SLC41A2: variants seen among roughly 807,000 people sequenced by gnomAD.
SLC41A2 encodes solute carrier family 41 member 2, also known as SLC41A1-like 1.
Under a neutral mutation model 58.3 loss-of-function variants are expected in SLC41A2, and 32 were observed. The observed-to-expected ratio is 0.55, with a 90% confidence interval of 0.41 to 0.74. The LOEUF (loss-of-function observed/expected upper bound fraction) is 0.74. Ranked by LOEUF, SLC41A2 falls within the 30% of genes least tolerant of loss-of-function variation. The probability of loss-of-function intolerance (pLI) is 0.00; values close to 1 mark genes in which losing one functional copy is unlikely to be tolerated. For missense variants in SLC41A2, 514 were observed against 680.6 expected (o/e 0.76, Z 2.72); for synonymous variants, 190 against 235.0 (o/e 0.81, Z 1.75).
intron 10 of SLC41A2, among the ~76,000 whole-genome samples, chr12:104,806,333 C>A (rs11503464): frequency 6.6e-6 from 1 of 151,584 alleles, no homozygotes; most frequent in Non-Finnish European, 1.5e-5. Flanking sequence ...TTTGTCCTTG[C>A]GATAGTTTGC....
rs9804721 is a variant in SLC41A2 at position 104,940,965 on chromosome 12, G to A, written c.-167-12271C>T. On this transcript the variant is annotated intron_variant, in intron 1 of 10. Transcript: ENST00000258538. ...AAAAAAAAAAAAAAAAGTTAGCTCCGAAGAAAAATCTTGACTTTTTGGCTT... is the reference window on the plus strand; with the variant it reads ...AAAAAAAAAAAAAAAAGTTAGCTCCAAAGAAAAATCTTGACTTTTTGGCTT... 5.7e-3 allele frequency among the ~76,000 whole-genome samples: 827 copies of A among 146,128 alleles called. 7 individuals carry two copies. The highest frequency in any genetic ancestry group is 0.02 in the African/African-American group (786 of 39,914).
At chr12:104,873,855 G>A (rs888587708) in intron 6 of SLC41A2, among the ~76,000 whole-genome samples, 3 of 152,036 alleles carry the variant, frequency 2.0e-5, no homozygotes, top group Non-Finnish European at 4.4e-5. Flanking sequence ...CAGGTCCTTT[G>A]CCCAGTTTTA....
chr12:104,947,820 A>G (rs114006086), intron 1 of SLC41A2, among the ~76,000 whole-genome samples: 1,887 of 152,190 alleles, frequency 0.012, 52 homozygotes, highest in African/African-American at 0.043. Flanking sequence ...ATCATATCTC[A>G]TATATATTTT....
At chr12:104,886,484 A>G in intron 5 of SLC41A2, 45 bp from the exon 6 acceptor site, 3 of 1,589,174 alleles carry the variant, frequency 1.9e-6, no homozygotes, top group Non-Finnish European at 2.6e-6. Context: ...TGATTTAAAG[A>G]AAATCAATCC....
chr12:104,947,855 C>T (rs2135970002), intron 1 of SLC41A2, among the ~76,000 whole-genome samples: 1 of 152,156 alleles, frequency 6.6e-6, no homozygotes, highest in Non-Finnish European at 1.5e-5. Flanking sequence ...ATCTAAATAA[C>T]ATTTTTATAA....
chr12:104,886,210 C>T, intron 6 of SLC41A2, 83 bp downstream of exon 6: 1 of 1,444,460 alleles, frequency 6.9e-7, no homozygotes, highest in Non-Finnish European at 9.4e-7. Context: ...TGAAGGCTAC[C>T]ATGGATTCAT....
chr12:104,932,346 CAGG>C (rs2047083925), intron 1 of SLC41A2, among the ~76,000 whole-genome samples: 1 of 152,132 alleles, frequency 6.6e-6, no homozygotes, highest in Admixed American at 6.5e-5. Flanking sequence ...ATATAGTAGG[CAGG>C]GTGCAGTGGC....
intron 8 of SLC41A2, among the ~76,000 whole-genome samples, chr12:104,855,711 ATCC>A (rs1210598504): frequency 6.6e-6 from 1 of 152,202 alleles, no homozygotes; most frequent in Non-Finnish European, 1.5e-5. Flanking sequence ...CATAGCTTTC[ATCC>A]TCCTTCTAAC....
intron 10 of SLC41A2, among the ~76,000 whole-genome samples, chr12:104,831,503 A>G (rs1046343732): frequency 6.6e-6 from 1 of 152,160 alleles, no homozygotes; most frequent in Non-Finnish European, 1.5e-5. Flanking sequence ...TTATAATACC[A>G]TATTTTTACT....
At chr12:104,845,997 G>A in intron 8 of SLC41A2, 23 bp from the exon 9 acceptor site, 1 of 1,605,680 alleles carries the variant, frequency 6.2e-7, no homozygotes, top group Non-Finnish European at 8.5e-7. Context: ...GAAAAACAAA[G>A]TAGCAATCCT....
intron 10 of SLC41A2, among the ~76,000 whole-genome samples, chr12:104,816,004 A>G (rs1022843213): frequency 6.6e-6 from 1 of 152,144 alleles, no homozygotes; most frequent in African/African-American, 2.4e-5. Context: ...GGTGGGTATT[A>G]TTATCTCTAT....
chr12:104,921,820 A>G (rs181425480), intron 2 of SLC41A2, among the ~76,000 whole-genome samples: 188 of 152,376 alleles, frequency 1.2e-3, no homozygotes, highest in African/African-American at 4.5e-3. Flanking sequence ...CAACCCATTA[A>G]GAGATAGGCA....
intron 10 of SLC41A2, among the ~76,000 whole-genome samples, chr12:104,820,231 C>T: frequency 6.6e-6 from 1 of 152,166 alleles, no homozygotes; most frequent in East Asian, 1.9e-4. Context: ...TTTGGGAGGC[C>T]AAGGCCAGAG....
chr12:104,947,619 G>A (rs545532013), intron 1 of SLC41A2, among the ~76,000 whole-genome samples: 1 of 151,948 alleles, frequency 6.6e-6, no homozygotes, highest in South Asian at 2.1e-4. Context: ...TAAATTGCCA[G>A]TATATTTTTT....
intron 7 of SLC41A2, among the ~76,000 whole-genome samples, chr12:104,865,193 TGTC>T (rs2043380013): frequency 1.3e-5 from 2 of 152,204 alleles, no homozygotes; most frequent in Non-Finnish European, 2.9e-5. Flanking sequence ...GGTAAAAGGC[TGTC>T]TCTCAGCATT....
intron 1 of SLC41A2, among the ~76,000 whole-genome samples, chr12:104,932,014 G>A (rs1043162075): frequency 1.3e-5 from 2 of 152,130 alleles, no homozygotes; most frequent in African/African-American, 2.4e-5. Context: ...GAAAGTGCCA[G>A]GAATGACCTT....
At chr12:104,843,310 G>A (rs1045274923) in intron 10 of SLC41A2, among the ~76,000 whole-genome samples, 1 of 151,708 alleles carries the variant, frequency 6.6e-6, no homozygotes, top group Non-Finnish European at 1.5e-5. Flanking sequence ...GTAGCATGAA[G>A]GTTTACTGGA....
At chr12:104,915,665 T>A (rs541030099) in intron 2 of SLC41A2, among the ~76,000 whole-genome samples, 136 of 152,358 alleles carry the variant, frequency 8.9e-4, no homozygotes, top group African/African-American at 3.1e-3. Flanking sequence ...TAAGGAGATT[T>A]TGGGCTGATA....
At chr12:104,930,241 A>C (rs923129509) in intron 1 of SLC41A2, among the ~76,000 whole-genome samples, 1 of 152,122 alleles carries the variant, frequency 6.6e-6, no homozygotes, top group African/African-American at 2.4e-5. Flanking sequence ...CATTTTTGCC[A>C]CTTATAGGCT....
Sources: allele counts gnomAD v4.1 joint callset (sites outside exome capture counted in the v4.1 genomes callset), GRCh38; gene constraint gnomAD v4.1.1; transcripts MANE v1.5; gene names NCBI Gene and HGNC (gene_info 2026-07-23, HGNC 2026-07-21).